Variants in ANO10 observed in about 807,000 individuals in gnomAD.
The protein encoded by ANO10 is anoctamin 10.
ANO10 carries 77 observed loss-of-function variants against 74.7 expected under a neutral mutation model. The observed-to-expected ratio is 1.03, with a 90% CI of 0.86 to 1.25. The LOEUF is 1.25. Ranked by LOEUF, ANO10 falls within the 50% of genes most tolerant of loss-of-function variation. ANO10 has a pLI of 0.00. For synonymous variants in ANO10, 279 were observed against 284.9 expected (o/e 0.98, Z 0.21); for missense variants, 721 against 778.1 (o/e 0.93, Z 0.87).
At chr3:43,614,771 C>CTCTA (rs1284004071) in intron 1 of ANO10, among the ~76,000 whole-genome samples, 1 of 52,700 alleles carries the variant, frequency 1.9e-5, no homozygotes, top group African/African-American at 4.9e-5. Flanking sequence ...GAAAACTAAA[C>CTCTA]TATATATATA....
intron 1 of ANO10, among the ~76,000 whole-genome samples, chr3:43,651,043 A>G (rs1256833379): frequency 1.3e-5 from 2 of 152,164 alleles, no homozygotes; most frequent in Non-Finnish European, 2.9e-5. Context: ...TGTTCCTTTC[A>G]ATTAATCTGT....
At chr3:43,377,196 C>T (rs1487307054) in intron 12 of ANO10, among the ~76,000 whole-genome samples, 2 of 152,200 alleles carry the variant, frequency 1.3e-5, no homozygotes, top group Non-Finnish European at 2.9e-5. Context: ...AGGTGATCCT[C>T]CCACCTCAGC....
chr3:43,631,708 A>G (rs1259652690), intron 1 of ANO10, among the ~76,000 whole-genome samples: 1 of 151,762 alleles, frequency 6.6e-6, no homozygotes, highest in African/African-American at 2.4e-5. Flanking sequence ...ACTTACCTCA[A>G]TGAATGTAGA....
At chr3:43,506,631 G>A (rs1286428383) in intron 11 of ANO10, among the ~76,000 whole-genome samples, 2 of 152,076 alleles carry the variant, frequency 1.3e-5, no homozygotes, top group African/African-American at 2.4e-5. Flanking sequence ...ATCCAGCCAC[G>A]AGTTTCTTTG....
At chr3:43,587,149 AC>A (rs1304759767) in intron 4 of ANO10, among the ~76,000 whole-genome samples, 1 of 152,218 alleles carries the variant, frequency 6.6e-6, no homozygotes, top group Admixed American at 6.5e-5. Flanking sequence ...TATGCAGATA[AC>A]TGGAAATGCA....
At chr3:43,576,646 T>C in intron 6 of ANO10, 46 bp downstream of exon 6, 2 of 1,586,996 alleles carry the variant, frequency 1.3e-6, no homozygotes, top group South Asian at 2.2e-5. Context: ...CTAGGCAACA[T>C]TTCTTACAGG....
intron 11 of ANO10, among the ~76,000 whole-genome samples, chr3:43,536,995 C>CAAAAAAAAA (rs5848666): frequency 1.3e-5 from 1 of 78,618 alleles, no homozygotes; most frequent in Non-Finnish European, 2.4e-5. Flanking sequence ...TTTCATCACT[C>CAAAAAAAAA]AAAAAAAAAA....
intron 8 of ANO10, among the ~76,000 whole-genome samples, chr3:43,564,568 G>C (rs2080215645): frequency 6.6e-6 from 1 of 152,064 alleles, no homozygotes; most frequent in Non-Finnish European, 1.5e-5. Flanking sequence ...TAATATGTTT[G>C]AGCATTTTCC....
chr3:43,629,902 A>G (rs1178794530), intron 1 of ANO10, among the ~76,000 whole-genome samples: 4 of 152,202 alleles, frequency 2.6e-5, no homozygotes, highest in Admixed American at 2.0e-4. Flanking sequence ...ATCAACAGAA[A>G]ATGATATTTG....
intron 1 of ANO10, among the ~76,000 whole-genome samples, chr3:43,678,754 A>G (rs2084155547): frequency 6.6e-6 from 1 of 151,972 alleles, no homozygotes; most frequent in Non-Finnish European, 1.5e-5. Flanking sequence ...TCTGGCTCAT[A>G]CTCCTACAGT....
intron 11 of ANO10, among the ~76,000 whole-genome samples, chr3:43,481,247 C>T (rs564269573): frequency 6.6e-6 from 1 of 151,826 alleles, no homozygotes; most frequent in African/African-American, 2.4e-5. Context: ...GAATATTTGA[C>T]CTTTAAAATT....
chr3:43,496,681 ATTCT>A (rs756928250), intron 11 of ANO10, among the ~76,000 whole-genome samples: 4 of 151,912 alleles, frequency 2.6e-5, no homozygotes, highest in Non-Finnish European at 4.4e-5. Context: ...TGGTTATTCT[ATTCT>A]TTATTTACTT....
At chr3:43,420,382 G>A (rs1312082309) in intron 12 of ANO10, among the ~76,000 whole-genome samples, 1 of 152,164 alleles carries the variant, frequency 6.6e-6, no homozygotes, top group African/African-American at 2.4e-5. Context: ...GGAGGTGCAG[G>A]TTGCAGGTTG....
Position 43,372,024 on chromosome 3 carries a change from G to A in ANO10, c.1915-5050C>T, listed in dbSNP as rs535770488. On this transcript the variant is annotated intron_variant, in intron 12 of 12. Transcript: ENST00000292246. Reference sequence around the variant, plus strand: ...AGGTGCTTGCAGCAGCCTGTCAGGCGGTCCTGGAGGGAGTTACATCCACCT... The same window carrying A: ...AGGTGCTTGCAGCAGCCTGTCAGGCAGTCCTGGAGGGAGTTACATCCACCT... 7.2e-5 allele frequency among the ~76,000 whole-genome samples: 11 copies of A among 152,282 alleles called. No homozygotes were observed. In the South Asian group the frequency reaches 1.7e-3, roughly 23 times the overall value.
At chr3:43,577,883 G>C (rs2081087666) in intron 5 of ANO10, among the ~76,000 whole-genome samples, 1 of 152,170 alleles carries the variant, frequency 6.6e-6, no homozygotes, top group African/African-American at 2.4e-5. Flanking sequence ...GCAGAAGAAG[G>C]TCCAAGCAAC....
At chr3:43,683,569 G>GA (rs1345360517) in intron 1 of ANO10, among the ~76,000 whole-genome samples, 3 of 151,926 alleles carry the variant, frequency 2.0e-5, no homozygotes, top group Non-Finnish European at 4.4e-5. Flanking sequence ...CACAGAATTG[G>GA]AAAAAAATAC....
chr3:43,597,506 G>T (rs374296350), intron 4 of ANO10, among the ~76,000 whole-genome samples: 1 of 151,938 alleles, frequency 6.6e-6, no homozygotes, highest in African/African-American at 2.4e-5. Context: ...GCAAACTATC[G>T]CAAGGACAGA....
Position 43,366,515 on chromosome 3 carries a change from C to A in ANO10, c.*391G>T. 1 of 369,656 alleles carries A rather than the reference C, an allele frequency of 2.7e-6. No homozygotes were observed. The highest frequency in any genetic ancestry group is 5.2e-6 in the Non-Finnish European group (1 of 191,366). The allele number at this position is 369,656 out of a possible 1,614,324, so 22.9% of individuals were successfully genotyped here. A position where few individuals can be genotyped will look rare whatever the true frequency, so the allele number is the denominator to read the frequency against. On this transcript the variant is annotated 3_prime_UTR_variant, in exon 13 of 13. Transcript: ENST00000292246. ...GAGCACAGTGGGCACACACCCCATC[C>A]CCAACCTGTCCACGGGTCCCTGGGC...
intron 1 of ANO10, among the ~76,000 whole-genome samples, chr3:43,655,883 C>A (rs2149570712): frequency 1.3e-5 from 1 of 78,206 alleles, no homozygotes; most frequent in African/African-American, 5.3e-5. Context: ...GATACAGTGT[C>A]CATTGGTGCA....
Sources: gnomAD v4.1 joint callset for allele counts (sites outside exome capture counted in the v4.1 genomes callset) on GRCh38, gnomAD v4.1.1 for gene constraint, MANE v1.5 for transcripts, NCBI Gene and HGNC (gene_info 2026-07-23, HGNC 2026-07-21) for gene names.